The following PPFIA2 variants were observed in gnomAD, a reference collection of about 807,000 sequenced individuals.
PPFIA2 encodes PPFI scaffold protein A2.
PPFIA2 carries 46 observed loss-of-function variants against 175.5 expected under a neutral mutation model. The observed-to-expected ratio is 0.26, with a 90% CI of 0.21 to 0.34. The LOEUF is 0.34. Among genes scored for constraint, PPFIA2 ranks in the 10% least tolerant of loss-of-function variants. PPFIA2 has a pLI of 1.00. For missense variants in PPFIA2, 1,179 were observed against 1,506.1 expected (o/e 0.78, Z 3.60); for synonymous variants, 568 against 511.4 (o/e 1.11, Z -1.49).
At chr12:81,646,614 A>G (rs888344993) in intron 4 of PPFIA2, among the ~76,000 whole-genome samples, 15 of 152,218 alleles carry the variant, frequency 9.9e-5, no homozygotes, top group African/African-American at 3.6e-4. Context: ...ACCCTCTGAC[A>G]TTGCAATACT....
intron 21 of PPFIA2, among the ~76,000 whole-genome samples, chr12:81,332,606 A>T (rs905823430): frequency 1.3e-5 from 2 of 152,098 alleles, no homozygotes; most frequent in Non-Finnish European, 2.9e-5. Flanking sequence ...TTGAGTTATT[A>T]TTTATTCATT....
At chr12:81,379,857 G>A (rs962146397) in intron 9 of PPFIA2, among the ~76,000 whole-genome samples, 1 of 152,140 alleles carries the variant, frequency 6.6e-6, no homozygotes, top group Non-Finnish European at 1.5e-5. Flanking sequence ...AGTAATTGCA[G>A]TTTTTGCTAT....
chr12:81,501,768 A>G (rs551379061), intron 4 of PPFIA2, among the ~76,000 whole-genome samples: 1 of 152,314 alleles, frequency 6.6e-6, no homozygotes, highest in African/African-American at 2.4e-5. Context: ...TGAAGTTTTA[A>G]AAAGAATATG....
intron 30 of PPFIA2, among the ~76,000 whole-genome samples, chr12:81,266,608 C>A (rs2037338909): frequency 1.3e-5 from 2 of 152,096 alleles, no homozygotes. Context: ...TACACGCACT[C>A]TTTATTAAAA....
At chr12:81,618,493 T>A (rs2153477251) in intron 4 of PPFIA2, among the ~76,000 whole-genome samples, 1 of 151,896 alleles carries the variant, frequency 6.6e-6, no homozygotes, top group Non-Finnish European at 1.5e-5. Flanking sequence ...AAAAGAACTT[T>A]CATTTTAAAA....
chr12:81,554,337 T>C (rs1024044316), intron 4 of PPFIA2, among the ~76,000 whole-genome samples: 4 of 152,010 alleles, frequency 2.6e-5, no homozygotes, highest in East Asian at 3.9e-4. Flanking sequence ...TTCAGGATAA[T>C]GGTGCTTCTC....
At chr12:81,686,863 T>C (rs2074488619) in intron 3 of PPFIA2, among the ~76,000 whole-genome samples, 1 of 152,112 alleles carries the variant, frequency 6.6e-6, no homozygotes, top group Admixed American at 6.6e-5. Context: ...CCTCATTTTA[T>C]TTTCCCCTGA....
At chr12:81,650,158 C>T (rs1312668945) in intron 4 of PPFIA2, among the ~76,000 whole-genome samples, 1 of 152,016 alleles carries the variant, frequency 6.6e-6, no homozygotes, top group Non-Finnish European at 1.5e-5. Context: ...TACAGGCGCC[C>T]GCCACTGCAC....
intron 21 of PPFIA2, among the ~76,000 whole-genome samples, chr12:81,331,738 C>T (rs537195188): frequency 3.3e-5 from 5 of 152,192 alleles, no homozygotes; most frequent in African/African-American, 1.2e-4. Context: ...TTTCTGTTTT[C>T]ATTATTTTTT....
intron 4 of PPFIA2, among the ~76,000 whole-genome samples, chr12:81,586,059 T>C (rs1480153961): frequency 6.6e-6 from 1 of 151,996 alleles, no homozygotes; most frequent in Non-Finnish European, 1.5e-5. Flanking sequence ...ATGCACTTTG[T>C]CATTGACCAC....
chr12:81,340,620 G>C (rs2057883688), intron 20 of PPFIA2, among the ~76,000 whole-genome samples: 2 of 151,898 alleles, frequency 1.3e-5, no homozygotes, highest in African/African-American at 4.8e-5. Context: ...TCTGACTGAG[G>C]AGTTATTACT....
At chr12:81,587,549 G>A (rs1295514826) in intron 4 of PPFIA2, among the ~76,000 whole-genome samples, 1 of 151,770 alleles carries the variant, frequency 6.6e-6, no homozygotes, top group Non-Finnish European at 1.5e-5. Flanking sequence ...GAATTTTTTA[G>A]AATAATTCTT....
chr12:81,710,209 C>T (rs1436899105), intron 3 of PPFIA2, among the ~76,000 whole-genome samples: 1 of 151,622 alleles, frequency 6.6e-6, no homozygotes, highest in East Asian at 1.9e-4. Context: ...AGTTGCTTTA[C>T]AGTAAAATCT....
At chr12:81,492,013 T>C (rs1027378375) in intron 4 of PPFIA2, among the ~76,000 whole-genome samples, 5 of 152,058 alleles carry the variant, frequency 3.3e-5, no homozygotes, top group African/African-American at 4.8e-5. Flanking sequence ...TAGTACTTCA[T>C]TGAATACTTC....
At chr12:81,442,898 T>TA (rs2145140511) in intron 6 of PPFIA2, among the ~76,000 whole-genome samples, 1 of 102,046 alleles carries the variant, frequency 9.8e-6, no homozygotes, top group African/African-American at 3.7e-5. Flanking sequence ...TATATATATA[T>TA]AGTATTACTT....
intron 10 of PPFIA2, among the ~76,000 whole-genome samples, 190 bp from the exon 11 acceptor site, chr12:81,374,958 C>A (rs1347784985): frequency 6.6e-6 from 1 of 152,084 alleles, no homozygotes; most frequent in African/African-American, 2.4e-5. Context: ...TACATTTCAG[C>A]ACATTAAAAC....
At chr12:81,684,314 A>G (rs1245785450) in intron 3 of PPFIA2, among the ~76,000 whole-genome samples, 1 of 152,120 alleles carries the variant, frequency 6.6e-6, no homozygotes, top group Non-Finnish European at 1.5e-5. Context: ...TACAGGGTCC[A>G]GAGAAATGGT....
In PPFIA2 at chr12:81,375,629, A is replaced by T; in HGVS notation, c.1131+167T>A. 4 of 697,528 alleles carry T rather than the reference A, an allele frequency of 5.7e-6. No homozygotes were observed. In the East Asian group the frequency reaches 1.1e-4, roughly 19 times the overall value. The allele number at this position is 697,528 out of a possible 1,614,324, so 43.2% of individuals were successfully genotyped here. A position where few individuals can be genotyped will look rare whatever the true frequency, so the allele number is the denominator to read the frequency against. On this transcript the variant is annotated intron_variant, in intron 10 of 32. Transcript: ENST00000549396. ...TAAGATAAATAATTTATCTTTCTGG[A>T]AAGTAAATTTCACACTGAAAATCGT...
chr12:81,410,370 G>A (rs1432278453), intron 7 of PPFIA2, among the ~76,000 whole-genome samples: 1 of 152,030 alleles, frequency 6.6e-6, no homozygotes, highest in East Asian at 1.9e-4. Context: ...TTAATAGCGG[G>A]CTGGGATAGG....
Sources: allele counts gnomAD v4.1 joint callset (sites outside exome capture counted in the v4.1 genomes callset), GRCh38; gene constraint gnomAD v4.1.1; transcripts MANE v1.5; gene names NCBI Gene and HGNC (gene_info 2026-07-23, HGNC 2026-07-21).